Variants in SORCS1 observed in about 807,000 individuals in gnomAD.
The protein encoded by SORCS1 is VPS10 domain-containing receptor SorCS1.
Under a neutral mutation model 146.1 loss-of-function variants are expected in SORCS1, and 60 were observed. The observed-to-expected ratio is 0.41, with a 90% CI of 0.33 to 0.51. The LOEUF is 0.51. SORCS1 is among the 20% of genes least tolerant of loss of function. The pLI is 0.21. For missense variants in SORCS1, 1,352 were observed against 1,487.6 expected (o/e 0.91, Z 1.50); for synonymous variants, 637 against 584.0 (o/e 1.09, Z -1.31).
At chr10:106,686,230 C>G (rs1487697182) in intron 10 of SORCS1, among the ~76,000 whole-genome samples, 1 of 152,182 alleles carries the variant, frequency 6.6e-6, no homozygotes. Context: ...TGGATTAGGG[C>G]AGTCCCAGTG....
At chr10:106,589,610 T>G (rs1035356667) in intron 24 of SORCS1, among the ~76,000 whole-genome samples, 3 of 151,954 alleles carry the variant, frequency 2.0e-5, no homozygotes, top group Non-Finnish European at 4.4e-5. Flanking sequence ...CCATTCCATA[T>G]TTCCAGCTTC....
chr10:106,680,799 ATTAC>A, intron 10 of SORCS1, among the ~76,000 whole-genome samples: 1 of 152,288 alleles, frequency 6.6e-6, no homozygotes, highest in East Asian at 1.9e-4. Context: ...TATCTCTGTT[ATTAC>A]TTTTATTCTG....
At chr10:107,134,644 A>T (rs1413797738) in intron 1 of SORCS1, among the ~76,000 whole-genome samples, 1 of 152,140 alleles carries the variant, frequency 6.6e-6, no homozygotes, top group Non-Finnish European at 1.5e-5. Flanking sequence ...ATCTCAAAAA[A>T]AAAGACTTAT....
intron 1 of SORCS1, among the ~76,000 whole-genome samples, chr10:107,101,806 T>G: frequency 6.6e-6 from 1 of 151,884 alleles, no homozygotes; most frequent in East Asian, 1.9e-4. Context: ...GTTGACTCAA[T>G]AGTCTTTATA....
At chr10:106,815,029 G>A (rs959758248) in intron 3 of SORCS1, among the ~76,000 whole-genome samples, 1 of 151,184 alleles carries the variant, frequency 6.6e-6, no homozygotes, top group Non-Finnish European at 1.5e-5. Context: ...GCATGACTTC[G>A]GCTCCCTGCA....
At chr10:107,011,188 G>T (rs577120802) in intron 1 of SORCS1, among the ~76,000 whole-genome samples, 1 of 152,310 alleles carries the variant, frequency 6.6e-6, no homozygotes, top group African/African-American at 2.4e-5. Context: ...ACAAAATAAA[G>T]CCCTCTTTCT....
At chr10:107,052,753 C>T (rs1269899035) in intron 1 of SORCS1, among the ~76,000 whole-genome samples, 3 of 152,086 alleles carry the variant, frequency 2.0e-5, no homozygotes, top group Non-Finnish European at 4.4e-5. Flanking sequence ...CTGTCAACTT[C>T]TGTTCTATAA....
chr10:106,878,874 G>T (rs1048698408), intron 2 of SORCS1, among the ~76,000 whole-genome samples: 1 of 151,354 alleles, frequency 6.6e-6, no homozygotes, highest in Non-Finnish European at 1.5e-5. Context: ...TTCCCTGGGC[G>T]CAATGACTCG....
At chr10:106,800,265 G>A (rs1309230405) in intron 3 of SORCS1, among the ~76,000 whole-genome samples, 2 of 152,048 alleles carry the variant, frequency 1.3e-5, no homozygotes, top group African/African-American at 4.8e-5. Flanking sequence ...ACCCACCAAG[G>A]AAAGTAATTG....
chr10:107,107,265 C>T (rs1965372437), intron 1 of SORCS1, among the ~76,000 whole-genome samples: 1 of 152,176 alleles, frequency 6.6e-6, no homozygotes, highest in Non-Finnish European at 1.5e-5. Flanking sequence ...GAGAAAGCCT[C>T]AATCTTAGAA....
intron 1 of SORCS1, among the ~76,000 whole-genome samples, chr10:107,040,524 C>T (rs576006217): frequency 2.6e-5 from 4 of 152,246 alleles, no homozygotes; most frequent in East Asian, 1.9e-4. Flanking sequence ...AAGTAAAATA[C>T]CCTCTAACTT....
chr10:107,036,447 C>G (rs1474175582), intron 1 of SORCS1, among the ~76,000 whole-genome samples: 1 of 152,094 alleles, frequency 6.6e-6, no homozygotes, highest in African/African-American at 2.4e-5. Flanking sequence ...GAGTCTTGAA[C>G]CAGTGCCAGT....
chr10:106,952,424 C>A (rs1328878486), intron 2 of SORCS1, among the ~76,000 whole-genome samples: 1 of 151,994 alleles, frequency 6.6e-6, no homozygotes, highest in African/African-American at 2.4e-5. Flanking sequence ...CCTCTACCCA[C>A]CCAGGCCTGT....
chr10:106,661,153 G>A (rs554423311), intron 17 of SORCS1, among the ~76,000 whole-genome samples: 9 of 152,310 alleles, frequency 5.9e-5, no homozygotes, highest in Admixed American at 4.6e-4. Context: ...GCTTGTGGAT[G>A]TGCATACTGA....
chr10:106,761,266 A>C (rs1589821859), intron 5 of SORCS1, among the ~76,000 whole-genome samples: 1 of 152,212 alleles, frequency 6.6e-6, no homozygotes, highest in East Asian at 1.9e-4. Flanking sequence ...AATAATAAAA[A>C]GTCACTATTA....
chr10:106,643,413 A>G (rs543452805), intron 18 of SORCS1, among the ~76,000 whole-genome samples: 2 of 152,362 alleles, frequency 1.3e-5, no homozygotes, highest in East Asian at 3.9e-4. Context: ...GTGCCTACGT[A>G]TATAATCCAG....
At chr10:106,652,078 A>G (rs1272307467) in intron 18 of SORCS1, among the ~76,000 whole-genome samples, 1 of 152,230 alleles carries the variant, frequency 6.6e-6, no homozygotes, top group Non-Finnish European at 1.5e-5. Flanking sequence ...TTATTTATGT[A>G]TTCTGAGAAA....
intron 6 of SORCS1, among the ~76,000 whole-genome samples, chr10:106,718,519 T>C (rs909295338): frequency 6.6e-6 from 1 of 151,104 alleles, no homozygotes; most frequent in Admixed American, 6.6e-5. Flanking sequence ...GCCGCAAACC[T>C]TCGCGCTGTT....
chr10:107,023,535 AT>A (rs1208998714), intron 1 of SORCS1, among the ~76,000 whole-genome samples: 3 of 152,198 alleles, frequency 2.0e-5, no homozygotes, highest in Non-Finnish European at 4.4e-5. Flanking sequence ...TGACATAAGA[AT>A]TTTTATAGTC....
Sources: allele counts gnomAD v4.1 joint callset (sites outside exome capture counted in the v4.1 genomes callset), GRCh38; gene constraint gnomAD v4.1.1; transcripts MANE v1.5; gene names NCBI Gene and HGNC (gene_info 2026-07-23, HGNC 2026-07-21).